The following CYTH4 variants were observed in gnomAD, a reference collection of about 807,000 sequenced individuals.
The protein encoded by CYTH4 is cytohesin 4.
A neutral mutation model predicts 57.5 loss-of-function variants in CYTH4; 22 were observed. That is an observed-to-expected ratio of 0.38 (90% CI 0.27 to 0.55). CYTH4 has a LOEUF of 0.55. Among genes scored for constraint, CYTH4 ranks in the 20% least tolerant of loss-of-function variants. CYTH4 has a pLI of 0.74. For synonymous variants in CYTH4, 186 were observed against 206.5 expected, an observed-to-expected ratio of 0.90 and a Z score of 0.85; for missense variants, 420 against 535.6, an observed-to-expected ratio of 0.78 and a Z score of 2.13.
At chr22:37,303,429 T>C (rs771005479) in intron 8 of CYTH4, 27 bp downstream of exon 8, 1 of 1,606,356 alleles carries the variant, frequency 6.2e-7, no homozygotes, top group Admixed American at 1.7e-5. Flanking sequence ...CCACCCAGCC[T>C]GGCCCCGGGG....
intron 1 of CYTH4, among the ~76,000 whole-genome samples, chr22:37,290,436 G>T (rs929698933): frequency 7.2e-5 from 11 of 152,150 alleles, no homozygotes; most frequent in African/African-American, 2.7e-4. Flanking sequence ...CTTCAGTCCC[G>T]ACGTTCTGTA....
In CYTH4 at chr22:37,285,439, C is replaced by T. The variant is rs1346104872; in HGVS notation, c.19+2851C>T. Among the ~76,000 whole-genome samples, 6 of 152,122 alleles carry T rather than the reference C, an allele frequency of 3.9e-5. No homozygotes were observed. In the East Asian group the frequency reaches 9.6e-4, roughly 24 times the overall value. ...TTCATCTCCTGGCCAGGCATGGTGGCTCACATCTATAATCCCAGCACTTTG... is the reference window on the plus strand; with the variant it reads ...TTCATCTCCTGGCCAGGCATGGTGGTTCACATCTATAATCCCAGCACTTTG... On this transcript the variant is annotated intron_variant, in intron 1 of 12. Transcript: ENST00000248901.
chr22:37,310,194 A>G (rs1005171322), intron 9 of CYTH4, among the ~76,000 whole-genome samples: 5 of 151,900 alleles, frequency 3.3e-5, no homozygotes, highest in Admixed American at 2.0e-4. Flanking sequence ...ACCCCAGTCC[A>G]TCCTCCTCCA....
intron 1 of CYTH4, among the ~76,000 whole-genome samples, chr22:37,285,928 G>A (rs945148744): frequency 4.6e-5 from 7 of 152,140 alleles, no homozygotes; most frequent in African/African-American, 9.7e-5. Context: ...CAGGACCCCC[G>A]TCAGAAGGGG....
chr22:37,308,754 A>C (rs1177092246), intron 8 of CYTH4, among the ~76,000 whole-genome samples: 1 of 149,112 alleles, frequency 6.7e-6, no homozygotes, highest in African/African-American at 2.5e-5. Flanking sequence ...ATGTGTGTGC[A>C]TGTATGTGTG....
chr22:37,292,414 G>A (rs1016333702), intron 1 of CYTH4: 6 of 561,560 alleles, frequency 1.1e-5, no homozygotes, highest in Middle Eastern at 4.7e-4. Context: ...TCTATCCAGG[G>A]GGGTGGGAGA....
chr22:37,305,437 C>T (rs1929359318), intron 8 of CYTH4, among the ~76,000 whole-genome samples: 3 of 152,158 alleles, frequency 2.0e-5, no homozygotes, highest in Admixed American at 2.0e-4. Context: ...CCAGTCCCGG[C>T]TACCCCACTT....
At chr22:37,299,201 C>G (rs766105200) in intron 5 of CYTH4, 25 bp from the exon 6 acceptor site, 1 of 1,504,928 alleles carries the variant, frequency 6.6e-7, no homozygotes, top group South Asian at 1.1e-5. Flanking sequence ...GTGTGTCCCA[C>G]CCTCCCTTCC....
In CYTH4 at chr22:37,311,084, G is replaced by A. The variant is rs777838924; in HGVS notation, c.885+20G>A. ...ACCACTGTGAGCAGGGTTCTCCTGG[G>A]CCTTCCCCTGCCCCCGCCTCTCCCC... On this transcript the variant is annotated intron_variant, in intron 10 of 12. Transcript: ENST00000248901. This position sits in a 1 kb window ranked among gnomAD's most constrained non-coding sequence, Gnocchi z 4.4. 1.9e-6 allele frequency: 3 copies of A among 1,612,240 alleles called. No homozygotes were observed. The Admixed American group carries it at 5.0e-5, about 27-fold the overall frequency.
At chr22:37,292,815 G>T in intron 2 of CYTH4, 112 bp downstream of exon 2, 1 of 1,076,962 alleles carries the variant, frequency 9.3e-7, no homozygotes, top group Non-Finnish European at 1.3e-6. Flanking sequence ...GGCCAACTCT[G>T]GCTCATATCA....
At chr22:37,284,303 T>A (rs1298501902) in intron 1 of CYTH4, among the ~76,000 whole-genome samples, 1 of 152,156 alleles carries the variant, frequency 6.6e-6, no homozygotes, top group Non-Finnish European at 1.5e-5. Flanking sequence ...GCCATGGGCC[T>A]AACCCTGGGG....
intron 2 of CYTH4, 118 bp from the exon 3 acceptor site, chr22:37,294,531 CAGAGGTCAGGG>C: frequency 1.1e-6 from 1 of 943,980 alleles, no homozygotes; most frequent in Non-Finnish European, 1.6e-6. Flanking sequence ...GGACTCAGGA[CAGAGGTCAGGG>C]AGAGGGGCCA....
chr22:37,311,004 G>A lies in CYTH4; in HGVS notation c.825G>A (p.Thr275=), dbSNP rs151256033. Residue 275 remains threonine (T), a synonymous_variant, in exon 10 of 13, where the codon ACG becomes ACA. Transcript: ENST00000248901. This position sits in a 1 kb window ranked among gnomAD's most constrained non-coding sequence, Gnocchi z 4.4. The part of the protein sequence containing the change: ...WLLKLGGRVK[T]WKRRWFILTD... ...CTTGCGCAGGGGGCCGCGTGAAGAC[G>A]TGGAAACGGCGCTGGTTCATCCTGA... is the stretch of plus-strand genomic sequence containing the variant. 1.7e-5 allele frequency: 27 copies of A among 1,614,082 alleles called. No individual in the cohort carries two copies. In the East Asian group the frequency reaches 2.0e-4, roughly 12 times the overall value.
rs186444023 is a variant in CYTH4, at chr22:37,295,293, G to A, written c.167+569G>A. On this transcript the variant is annotated intron_variant, in intron 3 of 12. Coordinates refer to ENST00000248901, the MANE Select transcript of CYTH4 (RefSeq NM_013385.5). This position sits in a 1 kb window ranked among gnomAD's most constrained non-coding sequence, Gnocchi z 4.1. ...CCCCAGTGCACTGACTCTGACACAC[G>A]ATGTCCTGGCAATTTCCCATCCTGC... Among the ~76,000 whole-genome samples, 13 of 151,502 alleles carry A rather than the reference G, an allele frequency of 8.6e-5. No individual in the cohort carries two copies. Among genetic ancestry groups the A allele is most frequent in the East Asian group, 2.0e-4 (1 of 5,086 alleles).
chr22:37,286,629 G>A (rs1292746630), intron 1 of CYTH4, among the ~76,000 whole-genome samples: 6 of 152,146 alleles, frequency 3.9e-5, no homozygotes, highest in Non-Finnish European at 8.8e-5. Context: ...GATAAGGAGG[G>A]GCTGCTGGCA....
At chr22:37,292,410 C>T in intron 1 of CYTH4, 1 of 553,620 alleles carries the variant, frequency 1.8e-6, no homozygotes, top group South Asian at 2.3e-5. Flanking sequence ...GGTGTCTATC[C>T]AGGGGGGTGG....
chr22:37,297,155 G>A (rs534432702), intron 4 of CYTH4, among the ~76,000 whole-genome samples: 4 of 152,280 alleles, frequency 2.6e-5, no homozygotes, highest in South Asian at 2.1e-4. Flanking sequence ...TTATACAATA[G>A]ACATAGATTA....
In CYTH4 at chr22:37,311,627, A is replaced by G; in HGVS notation, c.957+100A>G. 1 of 1,231,808 alleles carries G rather than the reference A, an allele frequency of 8.1e-7. No homozygotes were observed. Among genetic ancestry groups the G allele is most frequent in the Non-Finnish European group, 1.2e-6 (1 of 846,372 alleles). 76.3% of individuals were successfully genotyped at this position (1,231,808 alleles called of 1,614,324 possible). ...CTGAGGCTGGGCTCTCCAGGAAGCCAGGCTGTGCCCCTTACACCTTCCCTG... is the reference window on the plus strand; with the variant it reads ...CTGAGGCTGGGCTCTCCAGGAAGCCGGGCTGTGCCCCTTACACCTTCCCTG... On this transcript the variant is annotated intron_variant, in intron 11 of 12. Transcript: ENST00000248901. The surrounding 1 kb of genome is among the most constrained non-coding windows in gnomAD (Gnocchi z 4.4).
Position 37,311,149 on chromosome 22 carries a change from A to G in CYTH4, c.885+85A>G, listed in dbSNP as rs965834730. 6.9e-7 allele frequency: 1 copy of G among 1,444,078 alleles called. No homozygotes were observed. The highest frequency in any genetic ancestry group is 1.4e-5 in the African/African-American group (1 of 71,532). 89.5% of individuals were successfully genotyped at this position (1,444,078 alleles called of 1,614,324 possible). A position where few individuals can be genotyped will look rare whatever the true frequency, so the allele number is the denominator to read the frequency against. Reference sequence around the variant, plus strand: ...CCAACTCCCACTGAGCAGTCGACTCACACAGCTTTGGATCCTTTGAGATCA... The same window carrying G: ...CCAACTCCCACTGAGCAGTCGACTCGCACAGCTTTGGATCCTTTGAGATCA... On this transcript the variant is annotated intron_variant, in intron 10 of 12. Coordinates refer to ENST00000248901, the MANE Select transcript of CYTH4 (RefSeq NM_013385.5). This position sits in a 1 kb window ranked among gnomAD's most constrained non-coding sequence, Gnocchi z 4.4.
Sources: allele counts gnomAD v4.1 joint callset (sites outside exome capture counted in the v4.1 genomes callset), GRCh38; gene constraint gnomAD v4.1.1; non-coding constraint Gnocchi (gnomAD v3.1); transcripts MANE v1.5; gene names NCBI Gene and HGNC (gene_info 2026-07-23, HGNC 2026-07-21).